Variants in FAM163A observed in about 807,000 individuals in gnomAD.
FAM163A encodes the protein protein FAM163A.
Under a neutral mutation model 12.0 loss-of-function variants are expected in FAM163A, and 7 were observed. The ratio of observed to expected loss-of-function variants is 0.58; its 90% CI spans 0.33 to 1.10. The LOEUF is 1.10. Ranked by LOEUF, FAM163A falls within the 50% of genes least tolerant of loss-of-function variation. FAM163A has a pLI of 0.03. For synonymous variants in FAM163A, 101 were observed against 91.0 expected (o/e 1.11, Z -0.62); for missense variants, 202 against 218.6 (o/e 0.92, Z 0.48).
chr1:179,743,799 G>T (rs576979387), intron 1 of FAM163A, among the ~76,000 whole-genome samples: 2 of 152,262 alleles, frequency 1.3e-5, no homozygotes, highest in South Asian at 4.1e-4. Flanking sequence ...TGCCGAAGGC[G>T]CTCTACTCAG....
At position 179,814,904 on chromosome 1, in the gene FAM163A, G is replaced by C. The variant is rs1695165175; in HGVS notation, c.*715G>C. The C allele has an allele frequency of 6.6e-6, 1 of 152,208 alleles. No homozygotes were observed. The highest frequency in any genetic ancestry group is 6.5e-5 in the Admixed American group (1 of 15,282). The allele number at this position is 152,208 out of a possible 1,614,324, so 9.4% of individuals were successfully genotyped here. A position where few individuals can be genotyped will look rare whatever the true frequency, so the allele number is the denominator to read the frequency against. ...TGCACCAGAAAGTGTCTAACCTTGTGTTCCCCGAAATCCTTTCTCTGACTT... is the reference window on the plus strand; with the variant it reads ...TGCACCAGAAAGTGTCTAACCTTGTCTTCCCCGAAATCCTTTCTCTGACTT... On this transcript the variant is annotated 3_prime_UTR_variant, in exon 5 of 5. Coordinates refer to ENST00000341785, the MANE Select transcript of FAM163A (RefSeq NM_173509.3).
chr1:179,764,044 T>C (rs893467638), intron 1 of FAM163A, among the ~76,000 whole-genome samples: 12 of 152,166 alleles, frequency 7.9e-5, no homozygotes, highest in Non-Finnish European at 4.4e-5. Flanking sequence ...GTATTTTATT[T>C]GGGGAATCAT....
intron 1 of FAM163A, among the ~76,000 whole-genome samples, chr1:179,765,594 G>A (rs1260074651): frequency 1.3e-5 from 2 of 152,136 alleles, no homozygotes; most frequent in East Asian, 1.9e-4. Context: ...GGGCATGAAA[G>A]GTCTGTGGGG....
At chr1:179,770,400 C>A (rs1411163392) in intron 1 of FAM163A, among the ~76,000 whole-genome samples, 3 of 152,156 alleles carry the variant, frequency 2.0e-5, no homozygotes, top group Non-Finnish European at 4.4e-5. Flanking sequence ...GCTTCCTGAA[C>A]TTCCCATCTG....
At chr1:179,808,894 T>G (rs1694316445) in intron 2 of FAM163A, among the ~76,000 whole-genome samples, 1 of 152,182 alleles carries the variant, frequency 6.6e-6, no homozygotes, top group South Asian at 2.1e-4. Context: ...TGAGCCCTCC[T>G]GAAATCATAG....
In FAM163A at chr1:179,813,929, G is replaced by GAGCCCTGCAGCC; in HGVS notation, c.252_263dup (p.Ser85_Cys88dup). On this transcript the variant is annotated inframe_insertion, in exon 5 of 5. Transcript: ENST00000341785. ...AGGCAGCCTGGCGCCTCTCACCAGCGAGCCCTGCAGCCAGCCCTGTGGGGT... is the reference window on the plus strand; with the variant it reads ...AGGCAGCCTGGCGCCTCTCACCAGCGAGCCCTGCAGCCAGCCCTGCAGCCAGCCCTGTGGGGT... The GAGCCCTGCAGCC allele has an allele frequency of 1.2e-6, 2 of 1,613,730 alleles. No homozygotes were observed. Among genetic ancestry groups the GAGCCCTGCAGCC allele is most frequent in the East Asian group, 2.2e-5 (1 of 44,866 alleles).
At position 179,814,606 on chromosome 1, in the gene FAM163A, G is replaced by C. The variant is rs1695139061; in HGVS notation, c.*417G>C. The stretch of plus-strand genomic sequence containing the variant: ...TGAAGCATCCGTGCCTAGGAAAAGG[G>C]GACAGAGGGCAAGGAGAGAAGTGAG... On this transcript the variant is annotated 3_prime_UTR_variant, in exon 5 of 5. Coordinates refer to ENST00000341785, the MANE Select transcript of FAM163A (RefSeq NM_173509.3). 6.0e-6 allele frequency: 1 copy of C among 166,462 alleles called. No individual in the cohort carries two copies. The highest frequency in any genetic ancestry group is 2.4e-5 in the African/African-American group (1 of 41,750). 10.3% of individuals were successfully genotyped at this position (166,462 alleles called of 1,614,324 possible). A position where few individuals can be genotyped will look rare whatever the true frequency, so the allele number is the denominator to read the frequency against.
intron 1 of FAM163A, among the ~76,000 whole-genome samples, chr1:179,807,083 CAG>C (rs1694042545): frequency 7.2e-6 from 1 of 138,648 alleles, no homozygotes; most frequent in Admixed American, 7.3e-5. Flanking sequence ...GACTGTGTCT[CAG>C]AAAAAAAAAA....
chr1:179,749,980 T>G (rs1571308212), intron 1 of FAM163A, among the ~76,000 whole-genome samples: 1 of 152,234 alleles, frequency 6.6e-6, no homozygotes, highest in Admixed American at 6.5e-5. Flanking sequence ...ATCAGCTTAT[T>G]TATTGTCTGT....
intron 1 of FAM163A, among the ~76,000 whole-genome samples, chr1:179,759,955 C>T (rs1275390462): frequency 6.6e-6 from 1 of 152,190 alleles, no homozygotes; most frequent in Admixed American, 6.5e-5. Flanking sequence ...GCATGAGCCA[C>T]CACGCCCCGC....
chr1:179,799,453 G>C (rs1692843680), intron 1 of FAM163A, among the ~76,000 whole-genome samples: 1 of 152,250 alleles, frequency 6.6e-6, no homozygotes, highest in Non-Finnish European at 1.5e-5. Flanking sequence ...CATGGAGATG[G>C]GCCGCTCGGC....
chr1:179,730,029 C>T, the FAM163A span, among the ~76,000 whole-genome samples: 5 of 152,168 alleles, frequency 3.3e-5, no homozygotes, highest in African/African-American at 7.2e-5. Context: ...GGCCTTCCAT[C>T]AGTCCTGGCC....
At chr1:179,729,041 G>T in the FAM163A span, among the ~76,000 whole-genome samples, 1 of 152,174 alleles carries the variant, frequency 6.6e-6, no homozygotes, top group Non-Finnish European at 1.5e-5. Context: ...AAGGACACAG[G>T]ATCAGAACGG....
chr1:179,795,958 C>T lies in FAM163A; in HGVS notation c.-135-11840C>T, dbSNP rs183816224. Among the ~76,000 whole-genome samples the T allele has an allele frequency of 6.5e-3, 948 of 146,368 alleles. 7 individuals carry two copies. Among genetic ancestry groups the T allele is most frequent in the African/African-American group, 0.023 (902 of 38,718 alleles). On this transcript the variant is annotated intron_variant, in intron 1 of 4. Coordinates refer to ENST00000341785, the MANE Select transcript of FAM163A (RefSeq NM_173509.3). ...TAGATCCTATGACAGGAGTCTTTCTCTATTATTATTATTATTATTATTTTA... is the reference window on the plus strand; with the variant it reads ...TAGATCCTATGACAGGAGTCTTTCTTTATTATTATTATTATTATTATTTTA...
At chr1:179,748,754 G>A (rs910718553) in intron 1 of FAM163A, among the ~76,000 whole-genome samples, 1 of 152,192 alleles carries the variant, frequency 6.6e-6, no homozygotes, top group Non-Finnish European at 1.5e-5. Flanking sequence ...GGGCCTTGAA[G>A]GTAAAGTAGT....
intron 1 of FAM163A, among the ~76,000 whole-genome samples, chr1:179,760,149 C>T (rs1261607451): frequency 2.6e-5 from 4 of 152,130 alleles, no homozygotes; most frequent in African/African-American, 7.2e-5. Context: ...TAGCCTGGAG[C>T]ATGCCAGAGG....
chr1:179,774,348 C>T (rs1394420984), intron 1 of FAM163A, among the ~76,000 whole-genome samples: 4 of 152,234 alleles, frequency 2.6e-5, no homozygotes, highest in South Asian at 2.1e-4. Flanking sequence ...GTTACAGGTC[C>T]GGCCTTCCCA....
the FAM163A span, among the ~76,000 whole-genome samples, chr1:179,735,357 G>A: frequency 6.6e-6 from 1 of 152,250 alleles, no homozygotes; most frequent in Non-Finnish European, 1.5e-5. Context: ...CAGAAGAAAT[G>A]AGCCTTGTAT....
intron 1 of FAM163A, among the ~76,000 whole-genome samples, chr1:179,773,996 G>C (rs1215621436): frequency 2.0e-5 from 3 of 152,240 alleles, no homozygotes; most frequent in Non-Finnish European, 4.4e-5. Flanking sequence ...ACTGCAGTGA[G>C]AGCAGGAAGT....
Sources: gnomAD v4.1 joint callset for allele counts (sites outside exome capture counted in the v4.1 genomes callset) on GRCh38, gnomAD v4.1.1 for gene constraint, MANE v1.5 for transcripts, NCBI Gene and HGNC (gene_info 2026-07-23, HGNC 2026-07-21) for gene names.